Variants in PARP10 observed in about 807,000 individuals in gnomAD.
PARP10 encodes the protein poly(ADP-ribose) polymerase family member 10.
PARP10 carries 56 observed loss-of-function variants against 82.4 expected under a neutral mutation model. The observed-to-expected ratio is 0.68, with a 90% CI of 0.55 to 0.85. The LOEUF is 0.85. PARP10 is among the 40% of genes least tolerant of loss of function. The pLI, the probability that PARP10 is intolerant of heterozygous loss-of-function variation, is 0.00. For synonymous variants in PARP10, 576 were observed against 601.1 expected (o/e 0.96, Z 0.61); for missense variants, 1,227 against 1,379.4 (o/e 0.89, Z 1.75).
intron 1 of PARP10, among the ~76,000 whole-genome samples, chr8:143,997,663 C>T (rs1453490896): frequency 2.6e-5 from 4 of 152,280 alleles, no homozygotes; most frequent in South Asian, 2.1e-4. Flanking sequence ...CCAGCCAAGA[C>T]GGTGGACTGA....
Position 143,984,403 on chromosome 8 carries a change from G to T in PARP10, c.1487C>A (p.Ala496Glu). 8 of 1,610,990 alleles carry T rather than the reference G, an allele frequency of 5.0e-6. No individual in the cohort carries two copies. Among genetic ancestry groups the T allele is most frequent in the Non-Finnish European group, 6.8e-6 (8 of 1,179,190 alleles). ...RLCGAQASCQ[A>E]AEEFLRSLLG... ...CAGGCTCCGCAGAAACTCCTCAGCC[G>T]CCTGGCAGGAAGCCTGGGCTCCACA... is the stretch of plus-strand genomic sequence containing the variant. Residue 496 changes from alanine (A) to glutamate (E), a missense_variant, in exon 6 of 11, where the codon GCG becomes GAG. Ala to Glu is a moderately radical substitution (Grantham distance 107). Transcript: ENST00000313028.
rs879961346 is a variant in PARP10 at position 143,983,006 on chromosome 8, C to G, written c.2482G>C (p.Gly828Arg). 2 of 1,613,842 alleles carry G rather than the reference C, an allele frequency of 1.2e-6. No individual in the cohort carries two copies. The highest frequency in any genetic ancestry group is 2.2e-5 in the East Asian group (1 of 44,900). The change falls in exon 9 of 11, where the codon GGG becomes CGG. Residue 828 changes from glycine to arginine, a missense_variant. Gly to Arg is a moderately radical substitution (Grantham distance 125). Transcript: ENST00000313028. The part of the protein sequence containing the change: ...NNLERLAENT[G>R]EFQEVVRAFY... ...GCCCGCACCACCTCCTGGAACTCCC[C>G]GGTGTTCTCTGCCAGACGCTCCAGG...
Position 143,985,596 on chromosome 8 carries a change from C to T in PARP10, c.489G>A (p.Leu163=). 2 of 1,613,996 alleles carry T rather than the reference C, an allele frequency of 1.2e-6. No homozygotes were observed. Among genetic ancestry groups the T allele is most frequent in the Non-Finnish European group, 1.7e-6 (2 of 1,179,998 alleles). The stretch of plus-strand genomic sequence containing the variant: ...CCTGGGGAACCCGGGCCAGGGACAC[C>T]AAGGTCCCCTCCAGGCCCAGATTCT... ...QAQNLGLEGT[L]VSLARVPQAR... The change falls in exon 4 of 11, where the codon TTG becomes TTA. Residue 163 remains leucine (L), a synonymous_variant. Coordinates refer to ENST00000313028, the MANE Select transcript of PARP10 (RefSeq NM_032789.5).
At chr8:143,991,327 C>A, upstream of PARP10, 1 of 1,391,922 alleles carries the variant, frequency 7.2e-7, no homozygotes, top group Non-Finnish European at 9.8e-7. Context: ...TATGCTCAGC[C>A]TCCCTACCCT....
In PARP10 at chr8:144,008,589, C is replaced by T. The variant is rs147853567; in HGVS notation, c.-80+3941G>A. On this transcript the variant is annotated intron_variant, in intron 1 of 3. Coordinates refer to the PARP10 transcript ENST00000530478. The surrounding 1 kb of genome is among the most constrained non-coding windows in gnomAD (Gnocchi z 4.0). ...AACCCCGAGTGCACCCCAGGAGGTT[C>T]CTGTCACTCCTGCGGGCCCAGCCTC... is the stretch of plus-strand genomic sequence containing the variant. 5.4e-4 allele frequency among the ~76,000 whole-genome samples: 82 copies of T among 152,314 alleles called. No homozygotes were observed. Among genetic ancestry groups the T allele is most frequent in the African/African-American group, 2.0e-3 (82 of 41,564 alleles).
intron 1 of PARP10, among the ~76,000 whole-genome samples, chr8:143,998,664 A>C (rs1834178986): frequency 6.6e-6 from 1 of 152,202 alleles, no homozygotes. Flanking sequence ...AGACAATTGG[A>C]TTTTATAAAA....
rs193107099 is a variant in PARP10 at position 143,979,097 on chromosome 8, C to T, written c.2557-1016G>A. Among the ~76,000 whole-genome samples, 28 of 152,154 alleles carry T rather than the reference C, an allele frequency of 1.8e-4. 1 individual carries two copies. Among genetic ancestry groups the T allele is most frequent in the Non-Finnish European group, 3.1e-4 (21 of 67,994 alleles). On this transcript the variant is annotated intron_variant, in intron 9 of 10. Transcript: ENST00000313028. ...ACGCCATTCTCCTGCCTCAGCCTCC[C>T]GAATAGCTGGGACTACAGGCACCTG...
chr8:143,987,704 A>T (rs1235865139), upstream of PARP10, among the ~76,000 whole-genome samples: 1 of 152,186 alleles, frequency 6.6e-6, no homozygotes, highest in East Asian at 1.9e-4. Flanking sequence ...CAGCCTGGCC[A>T]ACATGGTAAA....
intron 1 of PARP10, among the ~76,000 whole-genome samples, chr8:144,006,083 G>A (rs1301467191): frequency 6.6e-6 from 1 of 152,068 alleles, no homozygotes; most frequent in Non-Finnish European, 1.5e-5. Flanking sequence ...CCAGTCCCCT[G>A]ATCAACTTCC....
upstream of PARP10, chr8:143,992,733 G>C: frequency 1.9e-6 from 3 of 1,614,002 alleles, no homozygotes; most frequent in Non-Finnish European, 1.7e-6. Flanking sequence ...GGAACAAGCA[G>C]CTGTCCCTGA....
chr8:143,986,601 G>T, upstream of PARP10: 1 of 631,416 alleles, frequency 1.6e-6, no homozygotes, highest in Non-Finnish European at 2.7e-6. Flanking sequence ...GGACCCCTCA[G>T]GACCCTCCAG....
upstream of PARP10, among the ~76,000 whole-genome samples, chr8:143,994,403 C>A (rs552299475): frequency 6.6e-6 from 1 of 152,204 alleles, no homozygotes; most frequent in Non-Finnish European, 1.5e-5. Context: ...CACCAGGACC[C>A]TAGCGGTGTG....
intron 1 of PARP10, among the ~76,000 whole-genome samples, chr8:144,003,580 A>T (rs1834216833): frequency 6.6e-6 from 1 of 152,224 alleles, no homozygotes; most frequent in African/African-American, 2.4e-5. Flanking sequence ...GCCTAGAGGC[A>T]CATTTCAGGC....
chr8:143,996,095 C>T (rs1554751278), upstream of PARP10, among the ~76,000 whole-genome samples: 1 of 152,214 alleles, frequency 6.6e-6, no homozygotes, highest in East Asian at 1.9e-4. Flanking sequence ...CTTTCCAGCA[C>T]CCTCTTAACA....
intron 9 of PARP10, among the ~76,000 whole-genome samples, chr8:143,981,050 GA>G (rs368527969): frequency 3.3e-4 from 48 of 147,230 alleles, no homozygotes; most frequent in East Asian, 2.0e-3. Flanking sequence ...GCTGTCAAGT[GA>G]AAAAAAAAAA....
In PARP10 at chr8:143,996,773, C is replaced by A. The variant is rs551351440; in HGVS notation, c.-79-10335G>T. Among the ~76,000 whole-genome samples the A allele has an allele frequency of 7.7e-4, 118 of 152,264 alleles. 3 individuals are homozygous for A. The highest frequency in any genetic ancestry group is 1.1e-3 in the Non-Finnish European group (78 of 68,028). On this transcript the variant is annotated intron_variant, in intron 1 of 3. Coordinates refer to the PARP10 transcript ENST00000530478. ...TAAAGCCCAGGGGATGCAGGAGACACATTTGGGGAAGCAGGTAGAAGAAGG... is the reference window on the plus strand; with the variant it reads ...TAAAGCCCAGGGGATGCAGGAGACAAATTTGGGGAAGCAGGTAGAAGAAGG...
At position 143,985,207 on chromosome 8, in the gene PARP10, C is replaced by T. The variant is rs146177797; in HGVS notation, c.795G>A (p.Pro265=). ...LAENTSGGDH[P]STQGPRATKH... is the part of the protein sequence containing the mutation. Reference sequence around the variant, plus strand: ...TGGTAGCCCTAGGCCCCTGGGTGGACGGGTGGTCCCCTCCACTGGTGTTCT... The same window carrying T: ...TGGTAGCCCTAGGCCCCTGGGTGGATGGGTGGTCCCCTCCACTGGTGTTCT... Residue 265 remains proline (P), a synonymous_variant, in exon 5 of 11, where the codon CCG becomes CCA. Transcript: ENST00000313028. 1.8e-4 allele frequency: 295 copies of T among 1,614,114 alleles called. No homozygotes were observed. The highest frequency in any genetic ancestry group is 3.3e-4 in the Admixed American group (20 of 60,036).
In PARP10 at chr8:143,984,590, T is replaced by A. The variant is rs529544328; in HGVS notation, c.1412A>T (p.Asp471Val). Residue 471 changes from aspartate to valine, a missense_variant, in exon 5 of 11, where the codon GAC becomes GTC. Asp to Val is a radical substitution (Grantham distance 152, BLOSUM62 -3). Transcript: ENST00000313028. ...TCCTTCAAGTGGCAAGAGAGCGACG[T>A]CTCCCAGGCCCGCAAGAAGGTCCTC... ...YHEDLLAGLG[D>V]VALLPLEGPD... 7 of 1,613,632 alleles carry A rather than the reference T, an allele frequency of 4.3e-6. No homozygotes were observed. The South Asian group carries it at 7.7e-5, about 18-fold the overall frequency.
chr8:143,990,777 A>C (rs1834078470), upstream of PARP10: 1 of 152,364 alleles, frequency 6.6e-6, no homozygotes, highest in African/African-American at 2.4e-5. The surrounding 1 kb of genome is among the most constrained non-coding windows in gnomAD (Gnocchi z 5.6). Flanking sequence ...CGGCCCCTTA[A>C]AGCTGCTTAA....
Sources: allele counts gnomAD v4.1 joint callset (sites outside exome capture counted in the v4.1 genomes callset), GRCh38; gene constraint gnomAD v4.1.1; non-coding constraint Gnocchi (gnomAD v3.1); transcripts MANE v1.5; gene names NCBI Gene and HGNC (gene_info 2026-07-23, HGNC 2026-07-21).